The following BAZ1B variants were observed in gnomAD, a reference collection of about 807,000 sequenced individuals.
BAZ1B encodes bromodomain adjacent to zinc finger domain 1B.
Under a neutral mutation model 153.8 loss-of-function variants are expected in BAZ1B, and 22 were observed. That is an observed-to-expected ratio of 0.14 (90% confidence interval 0.10 to 0.20). BAZ1B has a LOEUF of 0.20. Among genes scored for constraint, BAZ1B ranks in the 10% least tolerant of loss-of-function variants. The pLI is 1.00. For synonymous variants in BAZ1B, 676 were observed against 633.4 expected (o/e 1.07, Z -1.01); for missense variants, 1,325 against 1,799.3 (o/e 0.74, Z 4.77).
At chr7:73,497,645 A>G (rs1554576554) in intron 4 of BAZ1B, among the ~76,000 whole-genome samples, 1 of 152,158 alleles carries the variant, frequency 6.6e-6, no homozygotes, top group African/African-American at 2.4e-5. Context: ...CAAGCCTCCA[A>G]AGAATTTTCC....
intron 12 of BAZ1B, 64 bp from the exon 13 acceptor site, chr7:73,459,782 C>A: frequency 7.1e-7 from 1 of 1,411,136 alleles, no homozygotes; most frequent in Non-Finnish European, 9.6e-7. Context: ...AGGAATCCAA[C>A]CTCAAATTCA....
At chr7:73,459,420 A>G (rs1788317848) in intron 13 of BAZ1B, 116 bp downstream of exon 13, 1 of 1,077,396 alleles carries the variant, frequency 9.3e-7, no homozygotes, top group Non-Finnish European at 1.3e-6. Flanking sequence ...CACACACAAA[A>G]ACACTCACTC....
chr7:73,469,517 T>C lies in BAZ1B; in HGVS notation c.2866A>G (p.Ser956Gly), dbSNP rs782409713. The change falls in exon 9 of 20, where the codon AGT becomes GGT. Residue 956 changes from serine to glycine, a missense_variant and splice_region_variant. By Grantham distance (56) the Ser-to-Gly change is moderately conservative (BLOSUM62 0). Coordinates refer to ENST00000339594, the MANE Select transcript of BAZ1B (RefSeq NM_032408.4). ...CTCTTAGATATACAGATATACTCAC[T>C]GCGAGGACAGTAATCCTCATCACCA... Reference protein sequence around the residue: ...VSGDEDYCPRSKKANLGKNAS... With the variant: ...VSGDEDYCPRGKKANLGKNAS... The C allele has an allele frequency of 3.2e-5, 52 of 1,614,110 alleles. No individual in the cohort carries two copies. Among genetic ancestry groups the C allele is most frequent in the Admixed American group, 8.3e-5 (5 of 60,006 alleles).
At chr7:73,469,716 T>C (rs1185142322) in intron 8 of BAZ1B, 66 bp from the exon 9 acceptor site, 5 of 1,566,226 alleles carry the variant, frequency 3.2e-6, no homozygotes, top group Non-Finnish European at 4.4e-6. Context: ...ATTTTACTGC[T>C]GGAGAAGATA....
intron 4 of BAZ1B, among the ~76,000 whole-genome samples, chr7:73,497,146 G>A (rs1406419632): frequency 1.3e-5 from 2 of 150,714 alleles, no homozygotes; most frequent in Non-Finnish European, 1.5e-5. Flanking sequence ...GGGAAGCTGA[G>A]GTGGCAGGAT....
chr7:73,515,867 G>C (rs1488105471), intron 1 of BAZ1B, among the ~76,000 whole-genome samples: 1 of 152,148 alleles, frequency 6.6e-6, no homozygotes, highest in Non-Finnish European at 1.5e-5. Context: ...AAATGTGGAA[G>C]GGTGTGGTGG....
intron 14 of BAZ1B, among the ~76,000 whole-genome samples, chr7:73,449,890 A>G (rs985665901): frequency 6.6e-6 from 1 of 152,212 alleles, no homozygotes; most frequent in Non-Finnish European, 1.5e-5. Context: ...TTTGGGAATC[A>G]GGTCTCCTAA....
At chr7:73,515,194 T>C (rs1425557148) in intron 1 of BAZ1B, among the ~76,000 whole-genome samples, 1 of 152,198 alleles carries the variant, frequency 6.6e-6, no homozygotes, top group African/African-American at 2.4e-5. Context: ...ATCTCAAAAA[T>C]AACTTTTCCC....
At chr7:73,476,705 T>TTA in intron 7 of BAZ1B, among the ~76,000 whole-genome samples, 163 bp downstream of exon 7, 1 of 152,282 alleles carries the variant, frequency 6.6e-6, no homozygotes, top group East Asian at 1.9e-4. Context: ...AAATATGAAA[T>TTA]TATCAACAGA....
chr7:73,521,526 G>A (rs1370664151), intron 1 of BAZ1B, among the ~76,000 whole-genome samples: 2 of 152,162 alleles, frequency 1.3e-5, no homozygotes, highest in Admixed American at 6.5e-5. Flanking sequence ...AGCCAACCCG[G>A]GGAAGGTAAT....
rs781831081 is a variant in BAZ1B, at chr7:73,508,405, G to A, written c.291C>T (p.Ala97=). The A allele has an allele frequency of 4.3e-6, 7 of 1,613,800 alleles. No homozygotes were observed. The East Asian group carries it at 1.3e-4, about 31-fold the overall frequency. The change falls in exon 3 of 20, where the codon GCC becomes GCT. Residue 97 remains alanine (A), a synonymous_variant. Coordinates refer to ENST00000339594, the MANE Select transcript of BAZ1B (RefSeq NM_032408.4). ...LVLEMVHHNT[A]SLEKLVDTAW... is the part of the protein sequence containing the mutation. Reference sequence around the variant, plus strand: ...CAGTATCTACTAACTTCTCTAAGGAGGCTGTGTTATGGTGAACCATTTCCA... The same window carrying A: ...CAGTATCTACTAACTTCTCTAAGGAAGCTGTGTTATGGTGAACCATTTCCA...
intron 3 of BAZ1B, 152 bp from the exon 4 acceptor site, chr7:73,498,850 T>G (rs1274679767): frequency 4.5e-6 from 3 of 670,336 alleles, no homozygotes; most frequent in Non-Finnish European, 7.4e-6. Flanking sequence ...GTTTTCAACT[T>G]TTTTTCTCAG....
intron 3 of BAZ1B, among the ~76,000 whole-genome samples, chr7:73,502,643 G>A (rs569775806): frequency 6.6e-6 from 1 of 152,178 alleles, no homozygotes; most frequent in South Asian, 2.1e-4. Flanking sequence ...CAATTAGCCA[G>A]GCATTATAGC....
chr7:73,521,873 G>C lies in BAZ1B; in HGVS notation c.61C>G (p.Pro21Ala). 1 of 1,507,110 alleles carries C rather than the reference G, an allele frequency of 6.6e-7. No individual in the cohort carries two copies. Among genetic ancestry groups the C allele is most frequent in the Non-Finnish European group, 8.9e-7 (1 of 1,124,130 alleles). The allele number at this position is 1,507,110 out of a possible 1,614,324, so 93.4% of individuals were successfully genotyped here. ...TGAGTGTGCGGGATGGTGAAGAGCG[G>C]CTCCTCTCCGGGCAACGGCTTCACC... ...PLVKPLPGEE[P>A]LFTIPHTQEA... The change falls in exon 1 of 20, where the codon CCG becomes GCG. Residue 21 changes from proline to alanine, a missense_variant. Pro to Ala is a conservative substitution (Grantham distance 27). Around this residue, in one of 9 missense-constraint regions of BAZ1B, gnomAD observed 61 missense variants for 61.5 expected, o/e 0.99. Coordinates refer to ENST00000339594, the MANE Select transcript of BAZ1B (RefSeq NM_032408.4).
intron 3 of BAZ1B, 131 bp downstream of exon 3, chr7:73,508,196 G>T: frequency 9.8e-7 from 1 of 1,018,072 alleles, no homozygotes; most frequent in Non-Finnish European, 1.4e-6. Context: ...TTAACGTAAA[G>T]TATTAATACT....
At chr7:73,521,694 G>A (rs1791052152) in intron 1 of BAZ1B, 133 bp downstream of exon 1, 2 of 637,264 alleles carry the variant, frequency 3.1e-6, no homozygotes, top group Admixed American at 4.7e-5. Flanking sequence ...TCAGCCTCCA[G>A]GCCCGCGAGC....
chr7:73,486,870 G>T (rs1307541691), intron 6 of BAZ1B, among the ~76,000 whole-genome samples: 4 of 152,196 alleles, frequency 2.6e-5, no homozygotes, highest in Non-Finnish European at 5.9e-5. Flanking sequence ...CTTATCATCT[G>T]TGTTACTATG....
intron 2 of BAZ1B, among the ~76,000 whole-genome samples, chr7:73,508,734 C>T (rs565962576): frequency 2.8e-4 from 43 of 152,274 alleles, no homozygotes; most frequent in African/African-American, 9.6e-4. Flanking sequence ...AACTTTTGGG[C>T]AGGGCGCGGT....
chr7:73,455,140 C>A (rs532666540), intron 13 of BAZ1B, among the ~76,000 whole-genome samples: 2 of 152,168 alleles, frequency 1.3e-5, no homozygotes, highest in African/African-American at 4.8e-5. Flanking sequence ...TAGCCTCAGC[C>A]TCCCAAAGTG....
Sources: allele counts gnomAD v4.1 joint callset (sites outside exome capture counted in the v4.1 genomes callset), GRCh38; gene constraint gnomAD v4.1.1; regional missense constraint gnomAD v4.1.1; transcripts MANE v1.5; gene names NCBI Gene and HGNC (gene_info 2026-07-23, HGNC 2026-07-21).